MINDY2: variants seen among roughly 807,000 people sequenced by gnomAD.
MINDY2 encodes the protein ubiquitin carboxyl-terminal hydrolase MINDY-2.
In MINDY2, 52 loss-of-function variants were observed where a neutral mutation model predicts 68.2. That is an observed-to-expected ratio of 0.76 (90% CI 0.61 to 0.96). MINDY2 has a LOEUF of 0.96. Ranked by LOEUF, MINDY2 falls within the 40% of genes least tolerant of loss-of-function variation. The probability of loss-of-function intolerance (pLI) is 0.00; values close to 1 mark genes in which losing one functional copy is unlikely to be tolerated. For missense variants in MINDY2, 881 were observed against 773.4 expected (o/e 1.14, Z -1.65); for synonymous variants, 372 against 303.0 (o/e 1.23, Z -2.36).
intron 8 of MINDY2, among the ~76,000 whole-genome samples, 182 bp downstream of exon 8, chr15:58,852,147 G>C (rs766888846): frequency 1.4e-4 from 21 of 151,704 alleles, no homozygotes; most frequent in African/African-American, 5.1e-4. Flanking sequence ...TTAGCCGGGC[G>C]TGGTGGTGGT....
In MINDY2 at chr15:58,858,720, T is replaced by A. The variant is rs2033135197; in HGVS notation, c.*4110T>A. ...ACCTTAAAACATGATAAAAACCTTA[T>A]GGGCATTACCTATCACACAGTACTT... On this transcript the variant is annotated 3_prime_UTR_variant, in exon 9 of 9. Transcript: ENST00000559228. 1 of 152,148 alleles carries A rather than the reference T, an allele frequency of 6.6e-6. No individual in the cohort carries two copies. Among genetic ancestry groups the A allele is most frequent in the South Asian group, 2.1e-4 (1 of 4,836 alleles). The allele number at this position is 152,148 out of a possible 1,614,324, so 9.4% of individuals were successfully genotyped here.
chr15:58,829,171 A>T (rs1391250497), intron 5 of MINDY2, among the ~76,000 whole-genome samples: 6 of 152,218 alleles, frequency 3.9e-5, no homozygotes, highest in African/African-American at 1.4e-4. Context: ...AACTAGATTG[A>T]GCTTTTCAAT....
chr15:58,774,930 G>A (rs1343884965), intron 1 of MINDY2, among the ~76,000 whole-genome samples: 1 of 152,200 alleles, frequency 6.6e-6, no homozygotes, highest in African/African-American at 2.4e-5. Context: ...TTGTAAATCT[G>A]TGGTTATCAG....
chr15:58,804,805 CAAA>C (rs562018572), intron 3 of MINDY2, among the ~76,000 whole-genome samples: 2 of 127,816 alleles, frequency 1.6e-5, no homozygotes, highest in Admixed American at 8.1e-5. Flanking sequence ...GACCCTGTTA[CAAA>C]AAAAAAAAAG....
At chr15:58,773,257 C>G (rs1900560110) in intron 1 of MINDY2, among the ~76,000 whole-genome samples, 1 of 152,066 alleles carries the variant, frequency 6.6e-6, no homozygotes, top group African/African-American at 2.4e-5. Flanking sequence ...TTGAGACCAG[C>G]CTGGGCAATA....
chr15:58,850,792 G>C (rs1225076147), intron 7 of MINDY2, among the ~76,000 whole-genome samples: 1 of 151,968 alleles, frequency 6.6e-6, no homozygotes, highest in Non-Finnish European at 1.5e-5. Context: ...TTGCCATGTT[G>C]CTCAGGCTGG....
chr15:58,839,796 CTATT>C (rs1265503628), intron 6 of MINDY2, among the ~76,000 whole-genome samples: 2 of 150,518 alleles, frequency 1.3e-5, no homozygotes, highest in East Asian at 1.9e-4. Context: ...TCATCTTTAT[CTATT>C]TATTTATTTT....
chr15:58,829,509 T>A (rs1428471507), intron 5 of MINDY2, among the ~76,000 whole-genome samples: 1 of 152,196 alleles, frequency 6.6e-6, no homozygotes, highest in African/African-American at 2.4e-5. Context: ...CTTTCTAATG[T>A]TGAATTTTTG....
chr15:58,779,530 G>A (rs1372041760), intron 1 of MINDY2, among the ~76,000 whole-genome samples: 3 of 152,140 alleles, frequency 2.0e-5, no homozygotes, highest in Non-Finnish European at 4.4e-5. Context: ...CTCTTTTGAG[G>A]TTTTCCAAGT....
chr15:58,801,166 A>G (rs1403722065), intron 2 of MINDY2, among the ~76,000 whole-genome samples: 1 of 151,708 alleles, frequency 6.6e-6, no homozygotes, highest in African/African-American at 2.4e-5. Flanking sequence ...TAGAAACAGG[A>G]TTTCACCATG....
intron 6 of MINDY2, among the ~76,000 whole-genome samples, chr15:58,838,977 A>G: frequency 6.6e-6 from 1 of 152,284 alleles, no homozygotes; most frequent in East Asian, 1.9e-4. Flanking sequence ...CAACAGGGGA[A>G]AGTCCATGAT....
intron 1 of MINDY2, among the ~76,000 whole-genome samples, chr15:58,786,048 G>C (rs1229281525): frequency 3.3e-5 from 5 of 152,228 alleles, no homozygotes; most frequent in African/African-American, 1.2e-4. Context: ...ACATCTCTTG[G>C]TTTTTACTGA....
intron 3 of MINDY2, among the ~76,000 whole-genome samples, 195 bp downstream of exon 3, chr15:58,802,572 A>AT (rs1444479530): frequency 6.6e-6 from 1 of 151,988 alleles, no homozygotes; most frequent in African/African-American, 2.4e-5. Context: ...TATGAAATCC[A>AT]TTTTTAGCTC....
In MINDY2 at chr15:58,833,695, G is replaced by C. The variant is rs185097202; in HGVS notation, c.1368+1779G>C. 9.9e-5 allele frequency among the ~76,000 whole-genome samples: 15 copies of C among 152,242 alleles called. No homozygotes were observed. In the East Asian group the frequency reaches 2.7e-3, roughly 27 times the overall value. ...GCCTTAAGGAGCAGTATTGCTGCCA[G>C]CATGTCCCATCTTCAGCCCTAAGGC... On this transcript the variant is annotated intron_variant, in intron 6 of 8. Transcript: ENST00000559228.
Position 58,771,411 on chromosome 15 carries a change from G to A in MINDY2, c.16G>A (p.Glu6Lys). 6.2e-7 allele frequency: 1 copy of A among 1,610,436 alleles called. No individual in the cohort carries two copies. Among genetic ancestry groups the A allele is most frequent in the Non-Finnish European group, 8.5e-7 (1 of 1,179,102 alleles). The change falls in exon 1 of 9, where the codon GAG becomes AAG. Residue 6 changes from glutamate to lysine, a missense_variant. Physicochemically the swap from Glu to Lys is moderately conservative, Grantham distance 56. Coordinates refer to ENST00000559228, the MANE Select transcript of MINDY2 (RefSeq NM_001040450.3). Reference sequence around the variant, plus strand: ...GCGGCCCGGTATGGAGAGCAGCCCCGAGAGCCTGCAGCCGCTAGAACACGG... The same window carrying A: ...GCGGCCCGGTATGGAGAGCAGCCCCAAGAGCCTGCAGCCGCTAGAACACGG... MESSP[E>K]SLQPLEHGVA...
chr15:58,826,245 T>TC (rs1188454079), intron 5 of MINDY2, among the ~76,000 whole-genome samples: 3 of 150,006 alleles, frequency 2.0e-5, no homozygotes, highest in Non-Finnish European at 4.5e-5. Flanking sequence ...TTTTTTTTTT[T>TC]TGAGATGGAG....
rs2140880714 is a variant in MINDY2 at position 58,855,278 on chromosome 15, A to G, written c.*668A>G. On this transcript the variant is annotated 3_prime_UTR_variant, in exon 9 of 9. Transcript: ENST00000559228. Reference sequence around the variant, plus strand: ...TTCCAATAGCAAAAAGTTACATAACACTAATACTTATAACCTATCAATATC... The same window carrying G: ...TTCCAATAGCAAAAAGTTACATAACGCTAATACTTATAACCTATCAATATC... 1 of 152,768 alleles carries G rather than the reference A, an allele frequency of 6.5e-6. No individual in the cohort carries two copies. Among genetic ancestry groups the G allele is most frequent in the Admixed American group, 6.5e-5 (1 of 15,292 alleles). The allele number at this position is 152,768 out of a possible 1,614,324, so 9.5% of individuals were successfully genotyped here.
At chr15:58,798,429 T>C (rs1902426434) in intron 2 of MINDY2, among the ~76,000 whole-genome samples, 1 of 150,822 alleles carries the variant, frequency 6.6e-6, no homozygotes, top group African/African-American at 2.5e-5. Flanking sequence ...CCAGACCTTT[T>C]CTTGCCTTTT....
At chr15:58,807,595 C>T (rs190412068) in intron 3 of MINDY2, among the ~76,000 whole-genome samples, 3 of 152,056 alleles carry the variant, frequency 2.0e-5, no homozygotes, top group Admixed American at 6.5e-5. Context: ...GATCTCCTGA[C>T]CTTGTGATCC....
Sources: allele counts gnomAD v4.1 joint callset (sites outside exome capture counted in the v4.1 genomes callset), GRCh38; gene constraint gnomAD v4.1.1; transcripts MANE v1.5; gene names NCBI Gene and HGNC (gene_info 2026-07-23, HGNC 2026-07-21).